CAST: variants seen among roughly 807,000 people sequenced by gnomAD.
CAST encodes the protein MIR583 host.
A neutral mutation model predicts 119.6 loss-of-function variants in CAST; 76 were observed. The observed-to-expected ratio is 0.64, with a 90% CI of 0.53 to 0.77. The LOEUF (loss-of-function observed/expected upper bound fraction) is 0.77, where lower values mean the gene tolerates loss of function less well. Among genes scored for constraint, CAST ranks in the 30% least tolerant of loss-of-function variants. The probability of loss-of-function intolerance (pLI) is 0.00; values close to 1 mark genes in which losing one functional copy is unlikely to be tolerated. For missense variants in CAST, 953 were observed against 946.5 expected (o/e 1.01, Z -0.09); for synonymous variants, 319 against 331.6 (o/e 0.96, Z 0.41).
intron 1 of CAST, 53 bp downstream of exon 1, chr5:96,662,550 C>T: frequency 1.5e-6 from 2 of 1,330,470 alleles, no homozygotes; most frequent in Middle Eastern, 2.8e-4. Context: ...GTACCGGGTC[C>T]CGGAGCTGTG....
chr5:96,344,120 T>C, the CAST span, among the ~76,000 whole-genome samples: 2 of 152,204 alleles, frequency 1.3e-5, no homozygotes, highest in African/African-American at 4.8e-5. Context: ...TTATGTCAAA[T>C]CTACATTTTG....
chr5:96,657,028 C>CAG (rs10661945), intron 1 of CAST, among the ~76,000 whole-genome samples: 152,245 of 152,276 alleles, frequency 1, 76,107 homozygotes, highest in Middle Eastern at 1. Flanking sequence ...GAGCTGGAAA[C>CAG]AAATGCAGGG....
chr5:96,309,495 G>T, the CAST span, among the ~76,000 whole-genome samples: 1 of 152,144 alleles, frequency 6.6e-6, no homozygotes, highest in African/African-American at 2.4e-5. Context: ...GATGCCACTG[G>T]GGCATGAATA....
chr5:96,421,845 A>G, the CAST span: 1 of 1,081,622 alleles, frequency 9.2e-7, no homozygotes, highest in Non-Finnish European at 1.4e-6. Context: ...AGCATTGTAA[A>G]GTACTTTATT....
the CAST span, among the ~76,000 whole-genome samples, chr5:96,113,434 G>A: frequency 6.6e-6 from 1 of 152,240 alleles, no homozygotes; most frequent in East Asian, 1.9e-4. Flanking sequence ...AATGAGTCCA[G>A]GTTAGTAGAC....
the CAST span, among the ~76,000 whole-genome samples, chr5:96,222,293 C>A: frequency 6.6e-6 from 1 of 151,942 alleles, no homozygotes; most frequent in Non-Finnish European, 1.5e-5. Context: ...ATCATCAGAG[C>A]AAAGGAAACA....
intron 1 of CAST, among the ~76,000 whole-genome samples, chr5:96,562,719 T>A (rs1053011521): frequency 3.3e-5 from 5 of 152,192 alleles, no homozygotes; most frequent in African/African-American, 1.2e-4. Context: ...AGCAAAACAT[T>A]GAAACTGCTT....
At chr5:96,208,801 T>C in the CAST span, among the ~76,000 whole-genome samples, 1 of 151,948 alleles carries the variant, frequency 6.6e-6, no homozygotes, top group South Asian at 2.1e-4. Flanking sequence ...TGTTCTGCTC[T>C]TTTGGGGTAC....
At chr5:96,246,812 C>T in the CAST span, among the ~76,000 whole-genome samples, 1 of 152,128 alleles carries the variant, frequency 6.6e-6, no homozygotes, top group Non-Finnish European at 1.5e-5. Context: ...GATAAGTGAC[C>T]ATGTACCTTA....
At chr5:96,640,307 A>C (rs1313671174) in intron 1 of CAST, among the ~76,000 whole-genome samples, 3 of 152,178 alleles carry the variant, frequency 2.0e-5, no homozygotes, top group African/African-American at 7.2e-5. Context: ...CTAGAGATGG[A>C]AGGATGGATG....
At chr5:96,383,353 T>G in the CAST span, among the ~76,000 whole-genome samples, 1 of 152,228 alleles carries the variant, frequency 6.6e-6, no homozygotes, top group Non-Finnish European at 1.5e-5. Flanking sequence ...TGCTATACCC[T>G]GAGACTGAGT....
In CAST at chr5:96,631,657, C is replaced by T. The variant is rs148220708; in HGVS notation, c.61-43882C>T. Among the ~76,000 whole-genome samples the T allele has an allele frequency of 7.5e-5, 7 of 93,300 alleles. 1 individual carries two copies. The highest frequency in any genetic ancestry group is 7.4e-4 in the South Asian group (2 of 2,690). 61.2% of individuals were successfully genotyped at this position (93,300 alleles called of 152,430 possible). A position where few individuals can be genotyped will look rare whatever the true frequency, so the allele number is the denominator to read the frequency against. ...GTGCAGTGGTGAGATCTTGGCTCCC[C>T]GAGTAGCTGGGACCACAGGCGCCCG... On this transcript the variant is annotated intron_variant, in intron 1 of 11. Transcript: ENST00000505143.
chr5:96,382,848 G>A, the CAST span, among the ~76,000 whole-genome samples: 1 of 152,170 alleles, frequency 6.6e-6, no homozygotes, highest in Non-Finnish European at 1.5e-5. Context: ...AGGGATGGAG[G>A]AAGAAAATGC....
At chr5:96,315,937 G>C in the CAST span, among the ~76,000 whole-genome samples, 3 of 152,158 alleles carry the variant, frequency 2.0e-5, no homozygotes, top group Non-Finnish European at 4.4e-5. Flanking sequence ...AGTGACATGA[G>C]AGAGAAGCTG....
the CAST span, among the ~76,000 whole-genome samples, chr5:96,256,263 G>A: frequency 6.8e-6 from 1 of 147,458 alleles, no homozygotes; most frequent in African/African-American, 2.5e-5. Context: ...GTGTTTATAT[G>A]TAATATGTAA....
At chr5:96,357,345 C>T in the CAST span, among the ~76,000 whole-genome samples, 2 of 152,120 alleles carry the variant, frequency 1.3e-5, no homozygotes, top group African/African-American at 4.8e-5. Flanking sequence ...CCCGATTGCC[C>T]TGGTCAGAAC....
chr5:96,323,643 A>G, the CAST span, among the ~76,000 whole-genome samples: 3 of 152,210 alleles, frequency 2.0e-5, no homozygotes, highest in Non-Finnish European at 4.4e-5. Context: ...GTCAATAGCA[A>G]TAGCCAAAAA....
chr5:96,198,297 C>G, the CAST span, among the ~76,000 whole-genome samples: 2 of 152,154 alleles, frequency 1.3e-5, no homozygotes, highest in Non-Finnish European at 2.9e-5. Context: ...TGATAAGTAT[C>G]TCTATAAGTG....
chr5:96,555,057 A>T (rs1318544745), intron 1 of CAST, among the ~76,000 whole-genome samples: 1 of 152,260 alleles, frequency 6.6e-6, no homozygotes, highest in East Asian at 1.9e-4. Context: ...TACTGGGCAT[A>T]TACCCAAAGG....
Sources: gnomAD v4.1 joint callset for allele counts (sites outside exome capture counted in the v4.1 genomes callset) on GRCh38, gnomAD v4.1.1 for gene constraint, MANE v1.5 for transcripts, NCBI Gene and HGNC (gene_info 2026-07-23, HGNC 2026-07-21) for gene names.